ZMYND15: variants seen among roughly 807,000 people sequenced by gnomAD.
The protein encoded by ZMYND15 is zinc finger MYND domain-containing protein 15.
ZMYND15 carries 54 observed loss-of-function variants against 81.7 expected under a neutral mutation model. The ratio of observed to expected loss-of-function variants is 0.66; its 90% CI spans 0.53 to 0.83. The LOEUF is 0.83. ZMYND15 is among the 40% of genes least tolerant of loss of function. ZMYND15 has a pLI of 0.00. For synonymous variants in ZMYND15, 399 were observed against 387.0 expected (o/e 1.03, Z -0.36); for missense variants, 925 against 973.5 (o/e 0.95, Z 0.66).
In ZMYND15 at chr17:4,744,618, C is replaced by A. The variant is rs754450701; in HGVS notation, c.1684-7C>A. 1.9e-6 allele frequency: 3 copies of A among 1,607,446 alleles called. No individual in the cohort carries two copies. Among genetic ancestry groups the A allele is most frequent in the Non-Finnish European group, 1.7e-6 (2 of 1,177,356 alleles). On this transcript the variant is annotated splice_region_variant and splice_polypyrimidine_tract_variant and intron_variant, in intron 10 of 13. Transcript: ENST00000433935. This position sits in a 1 kb window ranked among gnomAD's most constrained non-coding sequence, Gnocchi z 4.1. ...GGCTTTTCCACCCCACTCCTGGGGCCCCTCAGGACAGCCTGGAGGTGTCTG... is the reference window on the plus strand; with the variant it reads ...GGCTTTTCCACCCCACTCCTGGGGCACCTCAGGACAGCCTGGAGGTGTCTG...
At chr17:4,742,165 G>T (rs1426301343) in intron 4 of ZMYND15, 95 bp downstream of exon 4, 8 of 1,567,612 alleles carry the variant, frequency 5.1e-6, no homozygotes, top group Non-Finnish European at 7.0e-6. Context: ...AGAAGGAGAG[G>T]CAGGGACATG....
chr17:4,740,341 A>T (rs980613300), intron 1 of ZMYND15, 178 bp from the exon 2 acceptor site: 1 of 1,147,112 alleles, frequency 8.7e-7, no homozygotes, highest in Non-Finnish European at 1.1e-6. Context: ...TCCAGCCCCC[A>T]TTTTCCTCCC....
At position 4,740,478 on chromosome 17, in the gene ZMYND15, T is replaced by G. The variant is rs533117259; in HGVS notation, c.-30-41T>G. 11 of 1,488,522 alleles carry G rather than the reference T, an allele frequency of 7.4e-6. 1 individual carries two copies. In the South Asian group the frequency reaches 1.6e-4, roughly 21 times the overall value. The allele number at this position is 1,488,522 out of a possible 1,614,324, so 92.2% of individuals were successfully genotyped here. A position where few individuals can be genotyped will look rare whatever the true frequency, so the allele number is the denominator to read the frequency against. ...GTGACCCAGCCCCAAACTCCATCATTGCTCTCCTGTCCCTCACCATATATC... is the reference window on the plus strand; with the variant it reads ...GTGACCCAGCCCCAAACTCCATCATGGCTCTCCTGTCCCTCACCATATATC... On this transcript the variant is annotated intron_variant, in intron 1 of 13. Coordinates refer to ENST00000433935, the MANE Select transcript of ZMYND15 (RefSeq NM_001136046.3).
In ZMYND15 at chr17:4,744,342, A is replaced by C; in HGVS notation, c.1585-27A>C. 1 of 1,613,504 alleles carries C rather than the reference A, an allele frequency of 6.2e-7. No individual in the cohort carries two copies. Among genetic ancestry groups the C allele is most frequent in the Non-Finnish European group, 8.5e-7 (1 of 1,179,472 alleles). On this transcript the variant is annotated intron_variant, in intron 9 of 13. Coordinates refer to ENST00000433935, the MANE Select transcript of ZMYND15 (RefSeq NM_001136046.3). The surrounding 1 kb of genome is among the most constrained non-coding windows in gnomAD (Gnocchi z 4.1). ...TGGGGGTGGGCACAGGGTAGACCCC[A>C]GATCTTTCTTTCTTTCTGTCCTTCA...
At position 4,743,474 on chromosome 17, in the gene ZMYND15, G is replaced by C; in HGVS notation, c.1297+19G>C. ...CGCGGTGGTGCGTGGGGTCTCTCCA[G>C]GCATGGGCCCCTTGGCCTAGAGGGA... is the stretch of plus-strand genomic sequence containing the variant. On this transcript the variant is annotated intron_variant, in intron 6 of 13. Coordinates refer to ENST00000433935, the MANE Select transcript of ZMYND15 (RefSeq NM_001136046.3). The surrounding 1 kb of genome is among the most constrained non-coding windows in gnomAD (Gnocchi z 4.3). 1 of 1,613,070 alleles carries C rather than the reference G, an allele frequency of 6.2e-7. No homozygotes were observed. Among genetic ancestry groups the C allele is most frequent in the Non-Finnish European group, 8.5e-7 (1 of 1,179,780 alleles).
chr17:4,742,414 G>A lies in ZMYND15; in HGVS notation c.1067G>A (p.Arg356Gln), dbSNP rs202121606. The part of the protein sequence containing the change: ...WQRCPDDVSH[R>Q]FWCPRLAAFM... ...CGGTGCCCAGATGATGTGAGTCACCGATTTTGGTGCCCAAGGCTTGCAGCC... is the reference window on the plus strand; with the variant it reads ...CGGTGCCCAGATGATGTGAGTCACCAATTTTGGTGCCCAAGGCTTGCAGCC... Residue 356 changes from arginine (R) to glutamine (Q), a missense_variant, in exon 5 of 14, where the codon CGA becomes CAA. Coordinates refer to ENST00000433935, the MANE Select transcript of ZMYND15 (RefSeq NM_001136046.3). 27 of 1,614,204 alleles carry A rather than the reference G, an allele frequency of 1.7e-5. No homozygotes were observed. The highest frequency in any genetic ancestry group is 9.3e-5 in the African/African-American group (7 of 75,066).
chr17:4,743,867 T>G lies in ZMYND15; in HGVS notation c.1378+20T>G. The G allele has an allele frequency of 6.2e-7, 1 of 1,612,244 alleles. No homozygotes were observed. The highest frequency in any genetic ancestry group is 8.5e-7 in the Non-Finnish European group (1 of 1,179,252). On this transcript the variant is annotated intron_variant, in intron 7 of 13. Coordinates refer to ENST00000433935, the MANE Select transcript of ZMYND15 (RefSeq NM_001136046.3). The surrounding 1 kb of genome is among the most constrained non-coding windows in gnomAD (Gnocchi z 4.3). The stretch of plus-strand genomic sequence containing the variant: ...TTTTTGGTGAGCTGGAGGGGCCCTG[T>G]GGAAGCTAGGGGTAGGGCCAGGGAC...
intron 2 of ZMYND15, 48 bp from the exon 3 acceptor site, chr17:4,741,534 T>C (rs778138852): frequency 1.2e-6 from 2 of 1,604,954 alleles, no homozygotes; most frequent in South Asian, 1.1e-5. Flanking sequence ...CTGACCACAT[T>C]TGTCTCTCGC....
At position 4,743,356 on chromosome 17, in the gene ZMYND15, AC is replaced by A; in HGVS notation, c.1199del (p.Thr400IlefsTer11). ...GGCCTTCCTGGCCTCTCGGGGCCTC[AC>A]TCGTGGCTATTGGACCCAGCTCAGC... ...KEAFLASRGLTRGYWTQLSML... is the reference protein window; with the variant it reads ...KEAFLASRGLXRGYWTQLSML... On this transcript the variant is annotated frameshift_variant, in exon 6 of 14. Coordinates refer to ENST00000433935, the MANE Select transcript of ZMYND15 (RefSeq NM_001136046.3). LOFTEE classifies it high-confidence loss of function. The surrounding 1 kb of genome is among the most constrained non-coding windows in gnomAD (Gnocchi z 4.3). The A allele has an allele frequency of 6.2e-7, 1 of 1,613,706 alleles. No individual in the cohort carries two copies.
Position 4,744,652 on chromosome 17 carries a change from G to A in ZMYND15, c.1711G>A (p.Gly571Ser). Residue 571 changes from glycine to serine, a missense_variant, in exon 11 of 14, where the codon GGT (glycine) becomes AGT (serine). By Grantham distance (56) the Gly-to-Ser change is moderately conservative. Coordinates refer to ENST00000433935, the MANE Select transcript of ZMYND15 (RefSeq NM_001136046.3). This position sits in a 1 kb window ranked among gnomAD's most constrained non-coding sequence, Gnocchi z 4.1. ...RDSLEVSVRP[G>S]SGISARPSSG... is the part of the protein sequence containing the mutation. ...CAGCCTGGAGGTGTCTGTCCGGCCT[G>A]GTTCCGGCATATCAGCACGGCCCAG... 6.2e-7 allele frequency: 1 copy of A among 1,613,242 alleles called. No homozygotes were observed. Among genetic ancestry groups the A allele is most frequent in the Non-Finnish European group, 8.5e-7 (1 of 1,180,002 alleles).
chr17:4,740,143 C>T (rs1451479944), intron 1 of ZMYND15, 93 bp downstream of exon 1: 1 of 912,246 alleles, frequency 1.1e-6, no homozygotes, highest in Admixed American at 6.1e-5. Context: ...CGCTCCCACT[C>T]CCATACCCCA....
In ZMYND15 at chr17:4,740,807, T is replaced by A; in HGVS notation, c.259T>A (p.Trp87Arg). ...TCCTGGACCAGGCCTGGGGACTGCC[T>A]GGCTCCTGGGAGACAACCCTCCACT... ...PGPGPGLGTA[W>R]LLGDNPPLHL... Residue 87 changes from tryptophan (W) to arginine (R), a missense_variant, in exon 2 of 14, where the codon TGG (tryptophan) becomes AGG (arginine). Trp to Arg is a moderately radical substitution (Grantham distance 101, BLOSUM62 -3). Coordinates refer to ENST00000433935, the MANE Select transcript of ZMYND15 (RefSeq NM_001136046.3). 1 of 1,587,898 alleles carries A rather than the reference T, an allele frequency of 6.3e-7. No homozygotes were observed. The highest frequency in any genetic ancestry group is 1.1e-5 in the South Asian group (1 of 88,514).
chr17:4,741,571 T>C lies in ZMYND15; in HGVS notation c.593-11T>C. 2 of 1,613,800 alleles carry C rather than the reference T, an allele frequency of 1.2e-6. No individual in the cohort carries two copies. The highest frequency in any genetic ancestry group is 3.3e-4 in the Middle Eastern group (2 of 6,062). ...GCCCCCTACCACCTCAACTTTTCCC[T>C]CTTTCCCCAGAGGCTGCCCCCCTGC... is the stretch of plus-strand genomic sequence containing the variant. On this transcript the variant is annotated splice_polypyrimidine_tract_variant and intron_variant, in intron 2 of 13. Transcript: ENST00000433935.
Position 4,745,345 on chromosome 17 carries a change from G to C in ZMYND15, c.2027G>C (p.Arg676Pro). The change falls in exon 13 of 14, where the codon CGC (arginine) becomes CCC (proline). Residue 676 changes from arginine (R) to proline (P), a missense_variant. Physicochemically the swap from Arg to Pro is moderately radical, Grantham distance 103 (BLOSUM62 -2). Transcript: ENST00000433935. The surrounding 1 kb of genome is among the most constrained non-coding windows in gnomAD (Gnocchi z 5.2). ...PQPNPFRSPF[R>P]LRAADNCMSW... Reference sequence around the variant, plus strand: ...CCCAACCCCTTCCGCTCCCCCTTTCGCCTCAGAGCGGCCGACAACTGCATG... The same window carrying C: ...CCCAACCCCTTCCGCTCCCCCTTTCCCCTCAGAGCGGCCGACAACTGCATG... The C allele has an allele frequency of 6.2e-7, 1 of 1,609,064 alleles. No individual in the cohort carries two copies. Among genetic ancestry groups the C allele is most frequent in the Non-Finnish European group, 8.5e-7 (1 of 1,178,060 alleles).
rs775216600 is a variant in ZMYND15 at position 4,743,895 on chromosome 17, G to A, written c.1378+48G>A. On this transcript the variant is annotated intron_variant, in intron 7 of 13. Coordinates refer to ENST00000433935, the MANE Select transcript of ZMYND15 (RefSeq NM_001136046.3). This position sits in a 1 kb window ranked among gnomAD's most constrained non-coding sequence, Gnocchi z 4.3. ...AAGCTAGGGGTAGGGCCAGGGACTG[G>A]AGAACCAGAGCCTGGGTGGCTGTGA... 1 of 1,605,862 alleles carries A rather than the reference G, an allele frequency of 6.2e-7. No individual in the cohort carries two copies. Among genetic ancestry groups the A allele is most frequent in the Admixed American group, 1.7e-5 (1 of 59,080 alleles).
In ZMYND15 at chr17:4,743,605, A is replaced by T; in HGVS notation, c.1297+150A>T. On this transcript the variant is annotated intron_variant, in intron 6 of 13. Coordinates refer to ENST00000433935, the MANE Select transcript of ZMYND15 (RefSeq NM_001136046.3). The surrounding 1 kb of genome is among the most constrained non-coding windows in gnomAD (Gnocchi z 4.3). ...TCAGGCCTTTCCCAGCCCTCAATGG[A>T]ATCACCCCTACCAACTCCACCCAGA... 7.6e-7 allele frequency: 1 copy of T among 1,322,612 alleles called. No individual in the cohort carries two copies. Among genetic ancestry groups the T allele is most frequent in the Non-Finnish European group, 1.0e-6 (1 of 970,982 alleles). 81.9% of individuals were successfully genotyped at this position (1,322,612 alleles called of 1,614,324 possible).
chr17:4,740,762 G>T lies in ZMYND15; in HGVS notation c.214G>T (p.Gly72Trp), dbSNP rs1297215472. The T allele has an allele frequency of 4.4e-6, 7 of 1,600,236 alleles. No homozygotes were observed. The African/African-American group carries it at 5.4e-5, about 12-fold the overall frequency. The change falls in exon 2 of 14, where the codon GGG becomes TGG. Residue 72 changes from glycine to tryptophan, a missense_variant. Physicochemically the swap from Gly to Trp is radical, Grantham distance 184 (BLOSUM62 -2). Transcript: ENST00000433935. ...LPNHSVGISL[G>W]QGAEPGPGPG... ...CAACCATAGTGTGGGCATCAGCCTG[G>T]GGCAAGGGGCAGAACCAGGTCCTGG...
Position 4,741,141 on chromosome 17 carries a change from G to T in ZMYND15, c.592+1G>T. On this transcript the variant is annotated splice_donor_variant, in intron 2 of 13. Transcript: ENST00000433935. LOFTEE classifies it high-confidence loss of function. ...CAGAAGAGGAAGGGACAGAGGAGTG[G>T]TAAGAACCCAGGGCTGGCCCTGCCC... 6.9e-7 allele frequency: 1 copy of T among 1,453,842 alleles called. No homozygotes were observed. Among genetic ancestry groups the T allele is most frequent in the Non-Finnish European group, 9.1e-7 (1 of 1,097,740 alleles). The allele number at this position is 1,453,842 out of a possible 1,614,324, so 90.1% of individuals were successfully genotyped here. A position where few individuals can be genotyped will look rare whatever the true frequency, so the allele number is the denominator to read the frequency against.
chr17:4,742,919 C>T (rs951213618), intron 5 of ZMYND15, among the ~76,000 whole-genome samples: 2 of 152,086 alleles, frequency 1.3e-5, no homozygotes, highest in Non-Finnish European at 2.9e-5. Context: ...TGACTGGAAC[C>T]AGACTTAGAA....
Sources: gnomAD v4.1 joint callset for allele counts (sites outside exome capture counted in the v4.1 genomes callset) on GRCh38, gnomAD v4.1.1 for gene constraint, Gnocchi (gnomAD v3.1) non-coding constraint, MANE v1.5 for transcripts, NCBI Gene and HGNC (gene_info 2026-07-23, HGNC 2026-07-21) for gene names.